GNS: variants seen among roughly 807,000 people sequenced by gnomAD.
The protein encoded by GNS is glucosamine (N-acetyl)-6-sulfatase, also known as N-acetylglucosamine-6-sulfatase.
In GNS, 40 loss-of-function variants were observed where a neutral mutation model predicts 69.7. That is an observed-to-expected ratio of 0.57 (90% CI 0.45 to 0.75). GNS has a LOEUF of 0.75. Among genes scored for constraint, GNS ranks in the 30% least tolerant of loss-of-function variants. The pLI, the probability that GNS is intolerant of heterozygous loss-of-function variation, is 0.00. For synonymous variants in GNS, 243 were observed against 251.6 expected (o/e 0.97, Z 0.32); for missense variants, 565 against 685.5 (o/e 0.82, Z 1.96).
chr12:64,744,230 T>C (rs1374255842), intron 5 of GNS, among the ~76,000 whole-genome samples: 1 of 152,238 alleles, frequency 6.6e-6, no homozygotes, highest in East Asian at 1.9e-4. Flanking sequence ...TGTGTGTAAA[T>C]AAAATTAACT....
intron 9 of GNS, among the ~76,000 whole-genome samples, chr12:64,733,064 C>A (rs1328265586): frequency 6.6e-6 from 1 of 151,824 alleles, no homozygotes; most frequent in East Asian, 1.9e-4. Context: ...TGCTTGAGCC[C>A]AGGTGTTCCA....
intron 2 of GNS, among the ~76,000 whole-genome samples, chr12:64,751,356 T>C (rs1222846067): frequency 2.0e-4 from 31 of 152,246 alleles, no homozygotes; most frequent in Admixed American, 2.0e-3. Context: ...CTGTGTTTCT[T>C]AGATAGAAAA....
chr12:64,721,079 T>G (rs1433480162), intron 12 of GNS, among the ~76,000 whole-genome samples: 2 of 152,340 alleles, frequency 1.3e-5, no homozygotes, highest in African/African-American at 4.8e-5. Context: ...GAGCATATGC[T>G]GATAAACAGT....
intron 2 of GNS, among the ~76,000 whole-genome samples, chr12:64,751,806 G>C (rs1870085125): frequency 6.6e-6 from 1 of 151,938 alleles, no homozygotes. Flanking sequence ...GGCTAACATG[G>C]TGAAACCCCA....
chr12:64,745,334 C>G (rs1869867277), intron 4 of GNS, among the ~76,000 whole-genome samples: 1 of 149,022 alleles, frequency 6.7e-6, no homozygotes, highest in Non-Finnish European at 1.5e-5. Flanking sequence ...ATCTTCTTAC[C>G]TCAGCCTCCC....
chr12:64,721,534 C>G (rs369001447), intron 12 of GNS, 61 bp downstream of exon 12: 1 of 836,222 alleles, frequency 1.2e-6, no homozygotes. Context: ...GCCACCAAGT[C>G]CAGCCAACAA....
At chr12:64,719,717 C>A (rs956273760) in intron 13 of GNS, among the ~76,000 whole-genome samples, 5 of 152,100 alleles carry the variant, frequency 3.3e-5, no homozygotes, top group Non-Finnish European at 7.3e-5. Context: ...CTTAAAGAAG[C>A]CCCAAGTGTC....
chr12:64,742,825 T>G (rs1215623478), intron 6 of GNS, among the ~76,000 whole-genome samples: 1 of 152,146 alleles, frequency 6.6e-6, no homozygotes, highest in Non-Finnish European at 1.5e-5. Flanking sequence ...GCTGGTGCAG[T>G]CCCGGCTATG....
chr12:64,720,282 G>T, intron 12 of GNS, 100 bp from the exon 13 acceptor site: 6 of 770,416 alleles, frequency 7.8e-6, no homozygotes, highest in Non-Finnish European at 8.8e-6. Context: ...GGAGGAGGTA[G>T]ATTAAAAAAA....
intron 2 of GNS, among the ~76,000 whole-genome samples, chr12:64,750,885 G>A (rs998605903): frequency 8.6e-5 from 13 of 151,952 alleles, no homozygotes; most frequent in Admixed American, 2.6e-4. Flanking sequence ...CAACATGGGC[G>A]GTAGAGTGAG....
intron 10 of GNS, among the ~76,000 whole-genome samples, chr12:64,727,158 G>A (rs1043246737): frequency 2.6e-5 from 4 of 151,658 alleles, no homozygotes; most frequent in African/African-American, 9.7e-5. Flanking sequence ...GGGAGGCTGA[G>A]GGGGGAGGAT....
Position 64,752,750 on chromosome 12 carries a change from A to G in GNS, c.200T>C (p.Leu67Pro). The change falls in exon 2 of 14, where the codon CTA becomes CCA. Residue 67 changes from leucine to proline, a missense_variant. Leu to Pro is a moderately conservative substitution (Grantham distance 98). This residue lies in a region of GNS where 181 missense variants were observed against 174.4 expected (regional missense o/e 1.04). Transcript: ENST00000258145. ...TCCGATGAGAGCTTTGGTTTTCTTT[A>G]GCGGTGTCTGTAAAAGTAAGTAATT... is the stretch of plus-strand genomic sequence containing the variant. ...QDEVLGGMTP[L>P]KKTKALIGEM... The G allele has an allele frequency of 6.7e-7, 1 of 1,497,328 alleles. No homozygotes were observed. The highest frequency in any genetic ancestry group is 9.3e-7 in the Non-Finnish European group (1 of 1,075,700). The allele number at this position is 1,497,328 out of a possible 1,614,324, so 92.8% of individuals were successfully genotyped here.
chr12:64,730,531 C>T (rs571517890), intron 9 of GNS, among the ~76,000 whole-genome samples: 1 of 150,918 alleles, frequency 6.6e-6, no homozygotes, highest in East Asian at 2.0e-4. Context: ...GATAAATATC[C>T]TGGCCCTGAA....
intron 9 of GNS, among the ~76,000 whole-genome samples, chr12:64,733,430 G>A (rs1479963102): frequency 1.3e-5 from 2 of 151,952 alleles, no homozygotes; most frequent in Middle Eastern, 3.2e-3. Flanking sequence ...AGATGGCAAC[G>A]GGCTCTCAGA....
At chr12:64,721,756 A>C (rs760756892) in intron 11 of GNS, 51 bp from the exon 12 acceptor site, 2 of 949,066 alleles carry the variant, frequency 2.1e-6, no homozygotes, top group African/African-American at 3.2e-5. Context: ...CATAGTAACA[A>C]ATACCTAGTT....
At chr12:64,731,289 C>T (rs1238402237) in intron 9 of GNS, among the ~76,000 whole-genome samples, 1 of 152,174 alleles carries the variant, frequency 6.6e-6, no homozygotes, top group Non-Finnish European at 1.5e-5. Flanking sequence ...GTTGCCTGGG[C>T]TGGTCTCAAA....
rs374471832 is a variant in GNS at position 64,743,194 on chromosome 12, C to T, written c.739G>A (p.Ala247Thr). Residue 247 changes from alanine to threonine, a missense_variant, in exon 6 of 14, where the codon GCT becomes ACT. Ala to Thr is a moderately conservative substitution (Grantham distance 58). This residue lies in a region of GNS where 384 missense variants were observed against 511.0 expected (regional missense o/e 0.75). Transcript: ENST00000258145. ...PWTAAPQYQK[A>T]FQNVFAPRNK... ...CTTGGTGCAAAGACATTCTGGAAAG[C>T]CTTCTGGTACTGAGGTGCAGCTGTC... 5.0e-5 allele frequency: 80 copies of T among 1,613,374 alleles called. No individual in the cohort carries two copies. The highest frequency in any genetic ancestry group is 6.3e-5 in the Non-Finnish European group (74 of 1,179,458).
chr12:64,743,153 G>T lies in GNS; in HGVS notation c.780C>A (p.Asn260Lys), dbSNP rs1451440397. The change falls in exon 6 of 14, where the codon AAC becomes AAA. Residue 260 changes from asparagine (N) to lysine (K), a missense_variant. Physicochemically the swap from Asn to Lys is moderately conservative, Grantham distance 94 (BLOSUM62 0). Transcript: ENST00000258145. ...TGGGGGAAGCTACCGTTCCATGGAT[G>T]TTGAAGTTCTTGTTTCTTGGTGCAA... ...NVFAPRNKNF[N>K]IHGTNKHWLI... 1.2e-6 allele frequency: 2 copies of T among 1,612,126 alleles called. No homozygotes were observed. The highest frequency in any genetic ancestry group is 1.7e-6 in the Non-Finnish European group (2 of 1,178,220).
chr12:64,725,081 G>A (rs1273518563), intron 10 of GNS, among the ~76,000 whole-genome samples: 1 of 152,160 alleles, frequency 6.6e-6, no homozygotes, highest in African/African-American at 2.4e-5. Flanking sequence ...AATCCCAAGG[G>A]ATTCTATCTC....
Sources: gnomAD v4.1 joint callset for allele counts (sites outside exome capture counted in the v4.1 genomes callset) on GRCh38, gnomAD v4.1.1 for gene constraint, gnomAD v4.1.1 regional missense constraint, MANE v1.5 for transcripts, NCBI Gene and HGNC (gene_info 2026-07-23, HGNC 2026-07-21) for gene names.